The following RHOA variants were observed in gnomAD, a reference collection of about 807,000 sequenced individuals.
The protein encoded by RHOA is ras homolog family member A, also known as transforming protein RhoA.
A neutral mutation model predicts 17.5 loss-of-function variants in RHOA; 3 were observed. That is an observed-to-expected ratio of 0.17 (90% CI 0.08 to 0.44). The LOEUF is 0.44. RHOA is among the 20% of genes least tolerant of loss of function. The pLI, the probability that RHOA is intolerant of heterozygous loss-of-function variation, is 0.99. For missense variants in RHOA, 56 were observed against 242.3 expected (o/e 0.23, Z 5.10); for synonymous variants, 98 against 88.4 (o/e 1.11, Z -0.61).
At chr3:49,362,473 G>A (rs2047988267) in intron 4 of RHOA, 23 bp downstream of exon 4, 2 of 1,593,192 alleles carry the variant, frequency 1.3e-6, no homozygotes, top group East Asian at 2.3e-5. Context: ...AATACTACAA[G>A]ACAGTCCTGC....
chr3:49,387,063 G>A (rs1206625091), intron 1 of RHOA, among the ~76,000 whole-genome samples: 1 of 142,524 alleles, frequency 7.0e-6, no homozygotes, highest in Admixed American at 7.3e-5. Context: ...GTTGCAGTGA[G>A]CCGAGATCAC....
At chr3:49,373,664 T>TGTG (rs1448177871) in intron 2 of RHOA, among the ~76,000 whole-genome samples, 1 of 151,966 alleles carries the variant, frequency 6.6e-6, no homozygotes, top group Non-Finnish European at 1.5e-5. Flanking sequence ...ATTACCCAGG[T>TGTG]GTGGTGGCAC....
intron 1 of RHOA, among the ~76,000 whole-genome samples, chr3:49,377,492 C>T (rs1285909135): frequency 1.3e-5 from 2 of 151,608 alleles, no homozygotes; most frequent in Admixed American, 1.3e-4. Context: ...ACTTGGGAGG[C>T]TCAGGTGGGA....
intron 1 of RHOA, among the ~76,000 whole-genome samples, chr3:49,396,936 C>T (rs1053815145): frequency 1.3e-5 from 2 of 151,844 alleles, no homozygotes; most frequent in African/African-American, 4.8e-5. Context: ...TCAAGACTGG[C>T]CTGGTCAACA....
chr3:49,361,182 GTAT>G (rs776842003), intron 4 of RHOA: 2 of 164,408 alleles, frequency 1.2e-5, no homozygotes, highest in Admixed American at 6.4e-5. Context: ...AATAAACATG[GTAT>G]TCACTGGGAA....
chr3:49,382,541 T>C lies in RHOA; in HGVS notation c.-2-6950A>G, dbSNP rs533697895. 3.7e-4 allele frequency among the ~76,000 whole-genome samples: 56 copies of C among 151,922 alleles called. 1 individual carries two copies. Among genetic ancestry groups the C allele is most frequent in the Admixed American group, 3.3e-3 (50 of 15,234 alleles). The stretch of plus-strand genomic sequence containing the variant: ...GTCACAGCTACTCAGGAGGCTAAGA[T>C]GGGAGGATCACTTGAGTACAGGAGG... On this transcript the variant is annotated intron_variant, in intron 1 of 4. Transcript: ENST00000418115.
intron 4 of RHOA, 63 bp from the exon 5 acceptor site, chr3:49,360,445 A>T: frequency 6.7e-7 from 1 of 1,493,828 alleles, no homozygotes; most frequent in Non-Finnish European, 9.0e-7. Flanking sequence ...GTAAGTAAAA[A>T]GTATTCAAAT....
intron 2 of RHOA, among the ~76,000 whole-genome samples, chr3:49,372,187 C>G (rs1268781654): frequency 6.6e-6 from 1 of 152,120 alleles, no homozygotes; most frequent in Non-Finnish European, 1.5e-5. Flanking sequence ...CCTAGTTTGT[C>G]ACAACTGGGC....
chr3:49,399,368 T>TC, intron 1 of RHOA, among the ~76,000 whole-genome samples: 1 of 121,978 alleles, frequency 8.2e-6, no homozygotes, highest in Non-Finnish European at 1.8e-5. Context: ...AGACTCTGTC[T>TC]CAAAAAAAAA....
At chr3:49,405,584 C>A (rs2048820108) in intron 1 of RHOA, among the ~76,000 whole-genome samples, 1 of 152,146 alleles carries the variant, frequency 6.6e-6, no homozygotes, top group South Asian at 2.1e-4. Flanking sequence ...ATACTACTGC[C>A]AAGGGTCTCA....
intron 1 of RHOA, among the ~76,000 whole-genome samples, chr3:49,406,386 G>GT (rs1156937866): frequency 6.6e-6 from 1 of 152,148 alleles, no homozygotes; most frequent in East Asian, 1.9e-4. Flanking sequence ...CATAACAAAA[G>GT]TTAGAATGCT....
intron 1 of RHOA, among the ~76,000 whole-genome samples, chr3:49,385,363 C>G (rs1464905094): frequency 1.3e-5 from 2 of 151,556 alleles, no homozygotes; most frequent in African/African-American, 2.4e-5. Flanking sequence ...TGGGAGGCGT[C>G]TGCCACCACG....
chr3:49,384,500 T>C (rs1391105304), intron 1 of RHOA, among the ~76,000 whole-genome samples: 2 of 152,040 alleles, frequency 1.3e-5, no homozygotes, highest in Non-Finnish European at 2.9e-5. Flanking sequence ...ACAGTATTTC[T>C]TTTACAACTT....
chr3:49,367,911 T>C (rs2048085604), intron 3 of RHOA, among the ~76,000 whole-genome samples: 1 of 151,722 alleles, frequency 6.6e-6, no homozygotes, highest in Admixed American at 6.6e-5. Flanking sequence ...GTAATAATAA[T>C]AATAATTATT....
intron 1 of RHOA, among the ~76,000 whole-genome samples, chr3:49,376,158 T>A (rs2048223500): frequency 6.6e-6 from 1 of 151,874 alleles, no homozygotes; most frequent in African/African-American, 2.4e-5. Context: ...GCTACTTCTA[T>A]CCAGCAGGAT....
intron 1 of RHOA, among the ~76,000 whole-genome samples, chr3:49,399,512 G>A (rs2048684822): frequency 6.6e-6 from 1 of 151,938 alleles, no homozygotes; most frequent in Non-Finnish European, 1.5e-5. Context: ...CTTGACAGAG[G>A]TGTACAATAT....
intron 1 of RHOA, among the ~76,000 whole-genome samples, chr3:49,381,223 T>C (rs753341453): frequency 2.0e-5 from 3 of 150,812 alleles, no homozygotes; most frequent in Non-Finnish European, 4.4e-5. Context: ...TGGCCAACAT[T>C]GTGAAACCCC....
intron 1 of RHOA, among the ~76,000 whole-genome samples, chr3:49,411,488 A>G (rs2048934401): frequency 6.6e-6 from 1 of 152,008 alleles, no homozygotes. Flanking sequence ...GCCCGGCCCA[A>G]AGCCCCCGCC....
At chr3:49,366,807 A>C (rs1170664113) in intron 3 of RHOA, 2 of 152,092 alleles carry the variant, frequency 1.3e-5, no homozygotes, top group African/African-American at 4.8e-5. Context: ...AACCATAACA[A>C]CACAATCACT....
Sources: allele counts gnomAD v4.1 joint callset (sites outside exome capture counted in the v4.1 genomes callset), GRCh38; gene constraint gnomAD v4.1.1; transcripts MANE v1.5; gene names NCBI Gene and HGNC (gene_info 2026-07-23, HGNC 2026-07-21).